The following NPAS3 variants were observed in gnomAD, a reference collection of about 807,000 sequenced individuals.
The protein encoded by NPAS3 is neuronal PAS domain-containing protein 3.
Under a neutral mutation model 73.1 loss-of-function variants are expected in NPAS3, and 14 were observed. The observed-to-expected ratio is 0.19, with a 90% CI of 0.13 to 0.30. NPAS3 has a LOEUF of 0.30. Among genes scored for constraint, NPAS3 ranks in the 10% least tolerant of loss-of-function variants. The pLI, the probability that NPAS3 is intolerant of heterozygous loss-of-function variation, is 1.00. For missense variants in NPAS3, 1,096 were observed against 1,250.0 expected (o/e 0.88, Z 1.86); for synonymous variants, 620 against 541.5 (o/e 1.14, Z -2.01).
chr14:33,316,008 A>G (rs546328405), intron 3 of NPAS3, among the ~76,000 whole-genome samples: 11 of 152,102 alleles, frequency 7.2e-5, no homozygotes, highest in Non-Finnish European at 1.5e-4. Flanking sequence ...GTCTCAAAAA[A>G]GTGAAAATTG....
At chr14:32,970,239 T>A (rs539244733) in intron 1 of NPAS3, among the ~76,000 whole-genome samples, 32 of 152,200 alleles carry the variant, frequency 2.1e-4, no homozygotes, top group Non-Finnish European at 4.1e-4. Context: ...ATCTGAAAAT[T>A]CTCAATTTTT....
At chr14:33,727,045 T>C (rs530529517) in intron 6 of NPAS3, among the ~76,000 whole-genome samples, 9 of 152,240 alleles carry the variant, frequency 5.9e-5, no homozygotes, top group African/African-American at 2.2e-4. Flanking sequence ...AGAATGCATG[T>C]GTGTGTGTTT....
chr14:33,268,540 CT>C (rs758482526), intron 3 of NPAS3, among the ~76,000 whole-genome samples: 1 of 151,864 alleles, frequency 6.6e-6, no homozygotes, highest in Non-Finnish European at 1.5e-5. Context: ...TATTGTATCT[CT>C]TTTTTTTGCA....
intron 4 of NPAS3, among the ~76,000 whole-genome samples, chr14:33,466,658 C>T (rs2050539194): frequency 6.6e-6 from 1 of 152,096 alleles, no homozygotes; most frequent in South Asian, 2.1e-4. Flanking sequence ...CTGGGGAGGC[C>T]TCAGGAAATT....
chr14:33,299,102 G>A (rs1050343532), intron 3 of NPAS3, among the ~76,000 whole-genome samples: 3 of 152,138 alleles, frequency 2.0e-5, no homozygotes, highest in Non-Finnish European at 4.4e-5. Context: ...AGAGTTTCTG[G>A]AGCTGCCATA....
At chr14:33,557,258 G>GTTCCCTTAGA (rs2055401514) in intron 4 of NPAS3, among the ~76,000 whole-genome samples, 1 of 152,180 alleles carries the variant, frequency 6.6e-6, no homozygotes, top group South Asian at 2.1e-4. Flanking sequence ...AAGGAGCCCA[G>GTTCCCTTAGA]TTCCCTTAGA....
At chr14:33,157,416 G>A (rs1318550681) in intron 2 of NPAS3, among the ~76,000 whole-genome samples, 1 of 152,154 alleles carries the variant, frequency 6.6e-6, no homozygotes, top group Non-Finnish European at 1.5e-5. Context: ...ATGGGAAGGT[G>A]AAAGAACCTG....
intron 3 of NPAS3, among the ~76,000 whole-genome samples, chr14:33,320,174 C>T (rs1252345544): frequency 6.6e-6 from 1 of 152,068 alleles, no homozygotes. Flanking sequence ...AAGAAGAACA[C>T]TATGTGCTTA....
chr14:33,546,908 T>C (rs2054871932), intron 4 of NPAS3, among the ~76,000 whole-genome samples: 1 of 152,196 alleles, frequency 6.6e-6, no homozygotes, highest in African/African-American at 2.4e-5. Context: ...TTGTGGGTCA[T>C]GTCTGTGTGC....
chr14:33,455,429 T>C (rs1383533808), intron 4 of NPAS3, among the ~76,000 whole-genome samples: 1 of 152,216 alleles, frequency 6.6e-6, no homozygotes, highest in African/African-American at 2.4e-5. Flanking sequence ...AGCACTCACA[T>C]GTGAGAACAG....
chr14:33,176,806 T>C lies in NPAS3; in HGVS notation c.141-38376T>C, dbSNP rs546055212. On this transcript the variant is annotated intron_variant, in intron 2 of 11. Coordinates refer to ENST00000356141, the Ensembl canonical transcript of NPAS3. ...TGAAGAACCACAAAATTATTTTTCATAGGAGTTGTATTATTTTATATTTCT... is the reference window on the plus strand; with the variant it reads ...TGAAGAACCACAAAATTATTTTTCACAGGAGTTGTATTATTTTATATTTCT... Among the ~76,000 whole-genome samples the C allele has an allele frequency of 2.6e-5, 4 of 152,268 alleles. No individual in the cohort carries two copies. The South Asian group carries it at 6.2e-4, about 24-fold the overall frequency.
intron 3 of NPAS3, among the ~76,000 whole-genome samples, chr14:33,337,822 T>C (rs953419647): frequency 6.6e-6 from 1 of 152,112 alleles, no homozygotes; most frequent in African/African-American, 2.4e-5. Context: ...TTATTACTTA[T>C]CAGTTTATTC....
intron 5 of NPAS3, among the ~76,000 whole-genome samples, chr14:33,615,021 A>G (rs2057869304): frequency 6.6e-6 from 1 of 152,106 alleles, no homozygotes; most frequent in Non-Finnish European, 1.5e-5. Context: ...GGCCTTGAAA[A>G]ACAGGTAGGA....
rs2049286929 is a variant in NPAS3 at position 33,442,314 on chromosome 14, G to A, written c.468+75046G>A. On this transcript the variant is annotated intron_variant, in intron 4 of 11. Transcript: ENST00000356141. The stretch of plus-strand genomic sequence containing the variant: ...CAACTGAACATGGTGGTGCCTGCCT[G>A]CAGCCTCACCTACTCAGGAGACTGA... 3.9e-5 allele frequency among the ~76,000 whole-genome samples: 6 copies of A among 152,170 alleles called. No individual in the cohort carries two copies. The South Asian group carries it at 1.2e-3, about 32-fold the overall frequency.
intron 4 of NPAS3, among the ~76,000 whole-genome samples, chr14:33,548,302 G>C (rs559794269): frequency 6.6e-6 from 1 of 152,154 alleles, no homozygotes; most frequent in Non-Finnish European, 1.5e-5. Flanking sequence ...CAAATGTAGT[G>C]AATGGTGGAA....
At chr14:33,333,653 G>A (rs10147531) in intron 3 of NPAS3, among the ~76,000 whole-genome samples, 10,002 of 152,098 alleles carry the variant, frequency 0.066, 1,109 homozygotes, top group African/African-American at 0.23. Context: ...GCTCATTTGG[G>A]TGGATTGGTT....
chr14:33,762,715 G>A (rs2140836732), intron 7 of NPAS3, among the ~76,000 whole-genome samples: 1 of 152,304 alleles, frequency 6.6e-6, no homozygotes, highest in South Asian at 2.1e-4. Flanking sequence ...ACTGCTAGAA[G>A]CTTGTTAAGG....
chr14:33,403,434 G>A (rs1044888513), intron 4 of NPAS3, among the ~76,000 whole-genome samples: 5 of 152,182 alleles, frequency 3.3e-5, no homozygotes, highest in South Asian at 2.1e-4. Flanking sequence ...ATTATAAAAT[G>A]TTTAGTGAGT....
intron 4 of NPAS3, among the ~76,000 whole-genome samples, chr14:33,475,846 C>G (rs1160504031): frequency 6.6e-6 from 1 of 152,136 alleles, no homozygotes; most frequent in African/African-American, 2.4e-5. Context: ...GGCATTCAGC[C>G]ACCAGAGGGG....
Sources: allele counts gnomAD v4.1 joint callset (sites outside exome capture counted in the v4.1 genomes callset), GRCh38; gene constraint gnomAD v4.1.1; transcripts MANE v1.5; gene names NCBI Gene and HGNC (gene_info 2026-07-23, HGNC 2026-07-21).